CFAP70: variants seen among roughly 807,000 people sequenced by gnomAD.
CFAP70 encodes the protein cilia and flagella associated protein 70.
Under a neutral mutation model 137.6 loss-of-function variants are expected in CFAP70, and 81 were observed. That is an observed-to-expected ratio of 0.59 (90% CI 0.49 to 0.71). CFAP70 has a LOEUF of 0.71. CFAP70 is among the 30% of genes least tolerant of loss of function. CFAP70 has a pLI of 0.00. For synonymous variants in CFAP70, 382 were observed against 423.6 expected (o/e 0.90, Z 1.20); for missense variants, 976 against 1,226.7 (o/e 0.80, Z 3.05).
At chr10:73,298,566 G>C (rs1281974802) in intron 14 of CFAP70, among the ~76,000 whole-genome samples, 1 of 152,144 alleles carries the variant, frequency 6.6e-6, no homozygotes, top group Non-Finnish European at 1.5e-5. Context: ...TTCTTTTAGA[G>C]AGATTTGAAT....
chr10:73,260,404 T>A (rs1013277249), intron 25 of CFAP70, among the ~76,000 whole-genome samples: 2 of 152,196 alleles, frequency 1.3e-5, no homozygotes, highest in Non-Finnish European at 2.9e-5. Context: ...AACTAATTTT[T>A]TTTTTAATAT....
At chr10:73,335,508 T>C in exon 7 of CFAP70, 1 of 1,611,836 alleles carries the variant, frequency 6.2e-7, no homozygotes, top group Non-Finnish European at 8.5e-7. Context: ...CTCTGCTTGA[T>C]TCCTAAATTC....
chr10:73,341,544 T>C (rs746855416), exon 6 of CFAP70: 1 of 1,614,112 alleles, frequency 6.2e-7, no homozygotes, highest in Admixed American at 1.7e-5. Context: ...CCCTCCAAGC[T>C]TCAGAGTTCC....
intron 26 of CFAP70, 121 bp downstream of exon 27, chr10:73,256,248 G>C: frequency 8.9e-7 from 1 of 1,124,290 alleles, no homozygotes; most frequent in East Asian, 2.5e-5. Flanking sequence ...GGCAAAGATG[G>C]TAAGAAAAGC....
At chr10:73,334,068 C>T (rs2052383510) in intron 7 of CFAP70, among the ~76,000 whole-genome samples, 2 of 152,194 alleles carry the variant, frequency 1.3e-5, no homozygotes, top group Middle Eastern at 3.4e-3. Flanking sequence ...TAAAGCTGTC[C>T]TAAAAAAACA....
At chr10:73,346,732 T>A (rs1049477549) in intron 4 of CFAP70, among the ~76,000 whole-genome samples, 1 of 152,128 alleles carries the variant, frequency 6.6e-6, no homozygotes, top group Middle Eastern at 3.2e-3. Context: ...CCTTTCAACA[T>A]AGAACTCATG....
chr10:73,254,082 G>T (rs1564730852), intron 26 of CFAP70, 27 bp from the exon 28 acceptor site: 1 of 1,572,748 alleles, frequency 6.4e-7, no homozygotes, highest in Non-Finnish European at 8.7e-7. Flanking sequence ...GAAAGGGAAA[G>T]ATATATGTCA....
intron 26 of CFAP70, among the ~76,000 whole-genome samples, chr10:73,255,381 C>G (rs2044383237): frequency 6.6e-6 from 1 of 151,936 alleles, no homozygotes; most frequent in Non-Finnish European, 1.5e-5. Context: ...GGAGACAGAG[C>G]AAGACTCCAT....
At chr10:73,349,389 CA>C (rs2054003608) in intron 3 of CFAP70, among the ~76,000 whole-genome samples, 1 of 151,644 alleles carries the variant, frequency 6.6e-6, no homozygotes, top group Non-Finnish European at 1.5e-5. Flanking sequence ...AATACAACAA[CA>C]AAATTAGCCA....
At chr10:73,354,062 C>T (rs1479582689) in intron 2 of CFAP70, among the ~76,000 whole-genome samples, 2 of 152,206 alleles carry the variant, frequency 1.3e-5, no homozygotes, top group East Asian at 3.8e-4. Flanking sequence ...CTCTGTCACC[C>T]AGGCTGGAGT....
rs1162410761 is a variant in CFAP70, at chr10:73,353,761, C to G, written c.64-19G>C. ...AACCTTTCTGTTGGCAGAAACACACCACTTTACAATTATATTCAAATAGAG... is the reference window on the plus strand; with the variant it reads ...AACCTTTCTGTTGGCAGAAACACACGACTTTACAATTATATTCAAATAGAG... On this transcript the variant is annotated intron_variant, in intron 2 of 26. Coordinates refer to ENST00000310715, the Ensembl canonical transcript of CFAP70. 3.7e-6 allele frequency: 6 copies of G among 1,609,938 alleles called. No individual in the cohort carries two copies. The African/African-American group carries it at 5.4e-5, about 14-fold the overall frequency.
chr10:73,262,076 T>TGTATATATTATATATGTA (rs36020354), intron 25 of CFAP70, among the ~76,000 whole-genome samples: 2 of 146,006 alleles, frequency 1.4e-5, no homozygotes, highest in African/African-American at 5.1e-5. Flanking sequence ...TATGTATATA[T>TGTATATATTATATATGTA]TATATATGTA....
At chr10:73,260,146 A>G (rs1333961442) in intron 25 of CFAP70, among the ~76,000 whole-genome samples, 1 of 151,174 alleles carries the variant, frequency 6.6e-6, no homozygotes, top group Non-Finnish European at 1.5e-5. Flanking sequence ...TGAGGCCAGG[A>G]GTTCAAGACT....
At chr10:73,277,215 C>T (rs77183525) in intron 21 of CFAP70, 25 bp downstream of exon 22, 132,678 of 1,597,826 alleles carry the variant, frequency 0.083, 8,291 homozygotes, top group East Asian at 0.29. Flanking sequence ...TTTCCATCTA[C>T]TTGCCCTTTT....
exon 24 of CFAP70, chr10:73,272,980 T>C: frequency 6.4e-7 from 1 of 1,552,684 alleles, no homozygotes; most frequent in Non-Finnish European, 8.7e-7. Flanking sequence ...AGGTGATCTC[T>C]TACAGGCTTG....
intron 9 of CFAP70, among the ~76,000 whole-genome samples, chr10:73,317,101 C>G (rs1359210808): frequency 6.6e-6 from 1 of 152,184 alleles, no homozygotes; most frequent in East Asian, 1.9e-4. Flanking sequence ...TCTTGGCTCA[C>G]TATAACCTCC....
intron 1 of CFAP70, among the ~76,000 whole-genome samples, chr10:73,355,383 G>T (rs1326671060): frequency 6.6e-6 from 1 of 152,204 alleles, no homozygotes; most frequent in East Asian, 1.9e-4. Flanking sequence ...TCGAATGCCT[G>T]ATTTGTCACT....
intron 9 of CFAP70, among the ~76,000 whole-genome samples, 199 bp downstream of exon 10, chr10:73,322,764 A>T (rs2050992202): frequency 6.6e-6 from 1 of 152,156 alleles, no homozygotes; most frequent in Non-Finnish European, 1.5e-5. Flanking sequence ...ATAGAGATTT[A>T]GGTTTTCAGT....
chr10:73,269,924 T>C (rs1392408066), intron 24 of CFAP70, among the ~76,000 whole-genome samples: 1 of 152,222 alleles, frequency 6.6e-6, no homozygotes, highest in African/African-American at 2.4e-5. Context: ...AGGTCGGGGA[T>C]TCTGAAGCCC....
Sources: allele counts gnomAD v4.1 joint callset (sites outside exome capture counted in the v4.1 genomes callset), GRCh38; gene constraint gnomAD v4.1.1; transcripts MANE v1.5; gene names NCBI Gene and HGNC (gene_info 2026-07-23, HGNC 2026-07-21).